DOCK1: variants seen among roughly 807,000 people sequenced by gnomAD.
DOCK1 encodes dedicator of cytokinesis 1, also known as dedicator of cytokinesis protein 1.
A neutral mutation model predicts 262.7 loss-of-function variants in DOCK1; 138 were observed. That is an observed-to-expected ratio of 0.53 (90% confidence interval 0.46 to 0.61). The LOEUF (loss-of-function observed/expected upper bound fraction) is 0.61, where lower values mean the gene tolerates loss of function less well. Ranked by LOEUF, DOCK1 falls within the 20% of genes least tolerant of loss-of-function variation. The pLI, the probability that DOCK1 is intolerant of heterozygous loss-of-function variation, is 0.00. For missense variants in DOCK1, 1,908 were observed against 2,370.7 expected, an observed-to-expected ratio of 0.80 and a Z score of 4.05; for synonymous variants, 866 against 867.4, an observed-to-expected ratio of 1.00 and a Z score of 0.03.
intron 26 of DOCK1, among the ~76,000 whole-genome samples, chr10:127,126,786 TG>T (rs2049990430): frequency 6.6e-6 from 1 of 152,164 alleles, no homozygotes; most frequent in South Asian, 2.1e-4. Context: ...GGCTTGTCCC[TG>T]GCCGTTTCCT....
At chr10:126,951,519 TG>T (rs1468674064) in intron 1 of DOCK1, among the ~76,000 whole-genome samples, 2 of 151,704 alleles carry the variant, frequency 1.3e-5, no homozygotes, top group Non-Finnish European at 2.9e-5. Flanking sequence ...ATGTTGTTTT[TG>T]TTGGTATTAT....
intron 29 of DOCK1, among the ~76,000 whole-genome samples, chr10:127,269,021 A>C (rs1352999039): frequency 6.6e-6 from 1 of 152,116 alleles, no homozygotes; most frequent in Non-Finnish European, 1.5e-5. Flanking sequence ...CCTTCAGTAC[A>C]AGGGTTGGAA....
chr10:126,991,167 G>A (rs998491657), intron 6 of DOCK1, among the ~76,000 whole-genome samples: 8 of 152,134 alleles, frequency 5.3e-5, no homozygotes, highest in Non-Finnish European at 1.2e-4. Flanking sequence ...CCCATCCATA[G>A]CAGGCATCCC....
At chr10:127,151,074 C>T (rs777918461) in intron 27 of DOCK1, among the ~76,000 whole-genome samples, 1 of 152,140 alleles carries the variant, frequency 6.6e-6, no homozygotes, top group Non-Finnish European at 1.5e-5. Flanking sequence ...AATTAATGGA[C>T]CAGAAGTGAA....
chr10:127,142,447 T>A, intron 27 of DOCK1, among the ~76,000 whole-genome samples: 1 of 152,128 alleles, frequency 6.6e-6, no homozygotes, highest in South Asian at 2.1e-4. Flanking sequence ...GTCCATGTCA[T>A]GAGGAATTCT....
intron 23 of DOCK1, among the ~76,000 whole-genome samples, chr10:127,070,181 G>T (rs927940448): frequency 6.7e-6 from 1 of 149,000 alleles, no homozygotes; most frequent in Non-Finnish European, 1.5e-5. Flanking sequence ...AGGTCAACTT[G>T]ATTATATCTG....
intron 4 of DOCK1, among the ~76,000 whole-genome samples, chr10:126,982,819 A>G (rs903646390): frequency 6.6e-6 from 1 of 152,190 alleles, no homozygotes; most frequent in Non-Finnish European, 1.5e-5. Flanking sequence ...TTTGTATGCA[A>G]AGTTTTAAAG....
intron 1 of DOCK1, among the ~76,000 whole-genome samples, chr10:126,957,586 A>G (rs1226100289): frequency 6.6e-6 from 1 of 152,114 alleles, no homozygotes; most frequent in Non-Finnish European, 1.5e-5. Flanking sequence ...CCTGGGCTCA[A>G]GTGATCCTGC....
intron 29 of DOCK1, among the ~76,000 whole-genome samples, chr10:127,325,466 A>G (rs2062713190): frequency 6.6e-6 from 1 of 152,238 alleles, no homozygotes. Context: ...CCCATTTCAC[A>G]GATGCAGAAT....
At chr10:127,027,847 C>G (rs367897030) in intron 16 of DOCK1, among the ~76,000 whole-genome samples, 1 of 152,008 alleles carries the variant, frequency 6.6e-6, no homozygotes, top group African/African-American at 2.4e-5. Context: ...TGCACGAGCA[C>G]GGTCATGATG....
At chr10:127,390,033 T>C (rs1314791868) in intron 38 of DOCK1, among the ~76,000 whole-genome samples, 1 of 149,348 alleles carries the variant, frequency 6.7e-6, no homozygotes, top group Non-Finnish European at 1.5e-5. Flanking sequence ...AAAGAGGGGC[T>C]GTGAGACCTC....
intron 29 of DOCK1, among the ~76,000 whole-genome samples, chr10:127,293,921 C>G (rs1168124329): frequency 6.6e-6 from 1 of 152,232 alleles, no homozygotes; most frequent in Non-Finnish European, 1.5e-5. Flanking sequence ...TCTCTGCCTC[C>G]AGTATGCCCT....
At chr10:127,373,229 G>A (rs925200963) in intron 33 of DOCK1, among the ~76,000 whole-genome samples, 1 of 152,134 alleles carries the variant, frequency 6.6e-6, no homozygotes, top group Non-Finnish European at 1.5e-5. Context: ...GGACCTTCTT[G>A]AGGTGCCTGC....
At chr10:127,405,056 A>C (rs970557411) in intron 40 of DOCK1, among the ~76,000 whole-genome samples, 3 of 152,214 alleles carry the variant, frequency 2.0e-5, no homozygotes, top group African/African-American at 7.2e-5. Flanking sequence ...ATGGTATTTC[A>C]TTGCATGGAG....
At chr10:127,233,352 A>G (rs1339262793) in intron 27 of DOCK1, among the ~76,000 whole-genome samples, 1 of 152,226 alleles carries the variant, frequency 6.6e-6, no homozygotes, top group East Asian at 1.9e-4. Context: ...AATTTTGTCT[A>G]CATAACAGTG....
rs1301586014 is a variant in DOCK1, at chr10:127,402,957, C to G, written c.3928-98C>G. 9 of 1,103,304 alleles carry G rather than the reference C, an allele frequency of 8.2e-6. No homozygotes were observed. In the East Asian group the frequency reaches 2.1e-4, roughly 25 times the overall value. 68.3% of individuals were successfully genotyped at this position (1,103,304 alleles called of 1,614,324 possible). ...TCCCATAATGTTTCATTCAAATGTACTTCTACACTGTTTTATTTTGAATGA... is the reference window on the plus strand; with the variant it reads ...TCCCATAATGTTTCATTCAAATGTAGTTCTACACTGTTTTATTTTGAATGA... On this transcript the variant is annotated intron_variant, in intron 38 of 51. Transcript: ENST00000623213.
intron 23 of DOCK1, among the ~76,000 whole-genome samples, chr10:127,078,368 T>G (rs1167035426): frequency 2.0e-5 from 3 of 152,084 alleles, no homozygotes; most frequent in African/African-American, 7.2e-5. Context: ...AGGAGCCCCT[T>G]TGGGGGTGTG....
chr10:127,336,821 G>A (rs182861546), intron 29 of DOCK1, among the ~76,000 whole-genome samples: 1 of 152,168 alleles, frequency 6.6e-6, no homozygotes, highest in Non-Finnish European at 1.5e-5. Context: ...TTACAGGCGT[G>A]AGCCACCGCG....
intron 24 of DOCK1, 137 bp from the exon 25 acceptor site, chr10:127,110,111 C>T (rs1054591147): frequency 1.5e-6 from 1 of 687,332 alleles, no homozygotes; most frequent in East Asian, 2.7e-5. Flanking sequence ...TTATTGACCC[C>T]ATAGTGCATG....
Sources: allele counts gnomAD v4.1 joint callset (sites outside exome capture counted in the v4.1 genomes callset), GRCh38; gene constraint gnomAD v4.1.1; transcripts MANE v1.5; gene names NCBI Gene and HGNC (gene_info 2026-07-23, HGNC 2026-07-21).